The following OR13G1 variants were observed in gnomAD, a reference collection of about 807,000 sequenced individuals.
The protein encoded by OR13G1 is olfactory receptor 13G1.
For synonymous variants in OR13G1, 128 were observed against 136.2 expected, an observed-to-expected ratio of 0.94 and a Z score of 0.42; for missense variants, 369 against 385.7, an observed-to-expected ratio of 0.96 and a Z score of 0.36.
At chr1:247,679,290 C>T (rs1158047773) in intron 1 of OR13G1, among the ~76,000 whole-genome samples, 1 of 152,128 alleles carries the variant, frequency 6.6e-6, no homozygotes, top group Non-Finnish European at 1.5e-5. Context: ...ACATGTCAAG[C>T]ATTCCCATAA....
In OR13G1 at chr1:247,671,575, A is replaced by G. The variant is rs1306378617; in HGVS notation, c.*543T>C. On this transcript the variant is annotated 3_prime_UTR_variant, in exon 2 of 2. Coordinates refer to ENST00000642119, the MANE Select transcript of OR13G1 (RefSeq NM_001005487.2). ...ACATGGAGACTTTAGAGTTTGCCCAATAATTTTATTCAGTAGAGCACGATT... is the reference window on the plus strand; with the variant it reads ...ACATGGAGACTTTAGAGTTTGCCCAGTAATTTTATTCAGTAGAGCACGATT... The G allele has an allele frequency of 1.3e-5, 2 of 156,088 alleles. No homozygotes were observed. Among genetic ancestry groups the G allele is most frequent in the South Asian group, 1.9e-4 (1 of 5,164 alleles). 9.7% of individuals were successfully genotyped at this position (156,088 alleles called of 1,614,324 possible). A position where few individuals can be genotyped will look rare whatever the true frequency, so the allele number is the denominator to read the frequency against.
chr1:247,678,344 T>C (rs1209831976), intron 1 of OR13G1, among the ~76,000 whole-genome samples: 1 of 152,162 alleles, frequency 6.6e-6, no homozygotes, highest in Non-Finnish European at 1.5e-5. Context: ...ATCATCTCCG[T>C]CTTCAAGTAT....
chr1:247,674,181 G>A (rs919480174), intron 1 of OR13G1, among the ~76,000 whole-genome samples: 18 of 152,070 alleles, frequency 1.2e-4, no homozygotes, highest in Non-Finnish European at 2.2e-4. Flanking sequence ...GTTGCTGTCC[G>A]TTTTCTTTTA....
At position 247,673,160 on chromosome 1, in the gene OR13G1, A is replaced by G; in HGVS notation, c.-119T>C. On this transcript the variant is annotated 5_prime_UTR_variant, in exon 2 of 2. Coordinates refer to ENST00000642119, the MANE Select transcript of OR13G1 (RefSeq NM_001005487.2). Reference sequence around the variant, plus strand: ...TGTGTACTTAGGGACTTAATTCTTGATTGGACACAACTTTGCAGCAGGAAT... The same window carrying G: ...TGTGTACTTAGGGACTTAATTCTTGGTTGGACACAACTTTGCAGCAGGAAT... The G allele has an allele frequency of 1.4e-6, 1 of 738,030 alleles. No homozygotes were observed. Among genetic ancestry groups the G allele is most frequent in the African/African-American group, 1.8e-5 (1 of 56,712 alleles). 45.7% of individuals were successfully genotyped at this position (738,030 alleles called of 1,614,324 possible).
Position 247,673,105 on chromosome 1 carries a change from C to T in OR13G1, c.-64G>A, listed in dbSNP as rs541454018. 3.1e-6 allele frequency: 4 copies of T among 1,276,650 alleles called. No homozygotes were observed. The African/African-American group carries it at 4.4e-5, about 14-fold the overall frequency. The allele number at this position is 1,276,650 out of a possible 1,614,324, so 79.1% of individuals were successfully genotyped here. On this transcript the variant is annotated 5_prime_UTR_variant, in exon 2 of 2. Transcript: ENST00000642119. Reference sequence around the variant, plus strand: ...AAACAACTGAAAATGGAAAGAATCCCTGTGTTGTTAGGAGATAACATGAGG... The same window carrying T: ...AAACAACTGAAAATGGAAAGAATCCTTGTGTTGTTAGGAGATAACATGAGG...
In OR13G1 at chr1:247,672,634, A is replaced by G. The variant is rs958638699; in HGVS notation, c.408T>C (p.His136=). The part of the protein sequence containing the change: ...PLHYSTIMNH[H]MCVALLSMVM... ...CCATGCTGAGCAAGGCTACACACAT[A>G]TGGTGGTTCATAATAGTACTGTAAT... The change falls in exon 2 of 2, where the codon CAT becomes CAC. Residue 136 remains histidine, a synonymous_variant. Transcript: ENST00000642119. The G allele has an allele frequency of 8.7e-6, 14 of 1,613,978 alleles. No individual in the cohort carries two copies. Among genetic ancestry groups the G allele is most frequent in the African/African-American group, 1.3e-5 (1 of 74,924 alleles).
At chr1:247,679,329 G>C (rs887576216) in intron 1 of OR13G1, among the ~76,000 whole-genome samples, 18 of 152,096 alleles carry the variant, frequency 1.2e-4, no homozygotes, top group Admixed American at 1.3e-4. Context: ...CCTAAATTTA[G>C]TTGACTGTCT....
chr1:247,672,609 C>T lies in OR13G1; in HGVS notation c.433G>A (p.Val145Ile). ...HHMCVALLSM[V>I]MAIAVTNSWV... ...GAATTGGTGACTGCAATAGCCATGACCATGCTGAGCAAGGCTACACACATA... is the reference window on the plus strand; with the variant it reads ...GAATTGGTGACTGCAATAGCCATGATCATGCTGAGCAAGGCTACACACATA... Residue 145 changes from valine to isoleucine, a missense_variant, in exon 2 of 2, where the codon GTC (valine) becomes ATC (isoleucine). Val to Ile is a conservative substitution (Grantham distance 29, BLOSUM62 3). Transcript: ENST00000642119. The T allele has an allele frequency of 1.2e-6, 2 of 1,613,988 alleles. No homozygotes were observed. Among genetic ancestry groups the T allele is most frequent in the Non-Finnish European group, 1.7e-6 (2 of 1,179,934 alleles).
chr1:247,677,965 A>G (rs917698905), intron 1 of OR13G1, among the ~76,000 whole-genome samples: 4 of 152,236 alleles, frequency 2.6e-5, no homozygotes, highest in African/African-American at 9.6e-5. Context: ...TTAGCTGGGC[A>G]TGGTGGCACA....
At chr1:247,679,386 A>G (rs553876787) in intron 1 of OR13G1, among the ~76,000 whole-genome samples, 74 of 152,222 alleles carry the variant, frequency 4.9e-4, no homozygotes, top group African/African-American at 1.7e-3. Context: ...AAAAATTTTG[A>G]AAGGCTGGCA....
rs542966045 is a variant in OR13G1, at chr1:247,671,766, C to A, written c.*352G>T. ...TTCACATACCAACAAATAAATGGCA[C>A]AAAATACACAAAATGTTTTGTGATA... On this transcript the variant is annotated 3_prime_UTR_variant, in exon 2 of 2. Coordinates refer to ENST00000642119, the MANE Select transcript of OR13G1 (RefSeq NM_001005487.2). 56 of 215,812 alleles carry A rather than the reference C, an allele frequency of 2.6e-4. 2 individuals are homozygous for A. In the Middle Eastern group the frequency reaches 0.013, roughly 51 times the overall value. The allele number at this position is 215,812 out of a possible 1,614,324, so 13.4% of individuals were successfully genotyped here.
chr1:247,677,391 A>G (rs935059871), intron 1 of OR13G1, among the ~76,000 whole-genome samples: 1 of 152,228 alleles, frequency 6.6e-6, no homozygotes, highest in Admixed American at 6.5e-5. Context: ...CCCCAGTTTT[A>G]GAAAGCCAGC....
At chr1:247,679,427 T>C in intron 1 of OR13G1, among the ~76,000 whole-genome samples, 1 of 152,038 alleles carries the variant, frequency 6.6e-6, no homozygotes, top group South Asian at 2.1e-4. Flanking sequence ...CATCAGTATT[T>C]TGATACATTG....
chr1:247,672,875 A>G lies in OR13G1; in HGVS notation c.167T>C (p.Met56Thr), dbSNP rs1323061981. The G allele has an allele frequency of 2.5e-6, 4 of 1,613,944 alleles. No homozygotes were observed. The East Asian group carries it at 8.9e-5, about 36-fold the overall frequency. The change falls in exon 2 of 2, where the codon ATG becomes ACG. Residue 56 changes from methionine (M) to threonine (T), a missense_variant. Coordinates refer to ENST00000642119, the MANE Select transcript of OR13G1 (RefSeq NM_001005487.2). ...AGCCAGTGTCAGAAGGAAAACATAC[A>G]TGGGCGTATGCAAGGTGTTGTTATA... Reference protein sequence around the residue: ...KIYNNTLHTPMYVFLLTLAVV... With the variant: ...KIYNNTLHTPTYVFLLTLAVV...
chr1:247,679,488 G>T (rs1435654774), intron 1 of OR13G1, among the ~76,000 whole-genome samples, 152 bp downstream of exon 1: 2 of 21,094 alleles, frequency 9.5e-5, no homozygotes, highest in African/African-American at 4.5e-4. Context: ...CGGATGGATT[G>T]TGTGTGTGTG....
chr1:247,677,027 G>T (rs371619646), intron 1 of OR13G1, among the ~76,000 whole-genome samples: 1 of 152,278 alleles, frequency 6.6e-6, no homozygotes, highest in East Asian at 1.9e-4. Flanking sequence ...GCAGGCTGGG[G>T]TGGGCAGATG....
chr1:247,672,776 A>G lies in OR13G1; in HGVS notation c.266T>C (p.Ile89Thr), dbSNP rs61742803. The change falls in exon 2 of 2, where the codon ATT becomes ACT. Residue 89 changes from isoleucine (I) to threonine (T), a missense_variant. Transcript: ENST00000642119. ...CTGGGACATGCAGCCTGCATATGAA[A>G]TGGTATTTTCTGATGTTAGCATGGT... ...LGTMLTSENT[I>T]SYAGCMSQLF... 11 of 1,613,958 alleles carry G rather than the reference A, an allele frequency of 6.8e-6. No individual in the cohort carries two copies. The Admixed American group carries it at 1.7e-4, about 24-fold the overall frequency.
chr1:247,676,038 A>G (rs1447893775), intron 1 of OR13G1, among the ~76,000 whole-genome samples: 1 of 152,172 alleles, frequency 6.6e-6, no homozygotes, highest in African/African-American at 2.4e-5. Context: ...AGGCAAGAAA[A>G]ATCAGTGAAA....
Position 247,672,954 on chromosome 1 carries a change from TGA to T in OR13G1, c.86_87del (p.Leu29HisfsTer20). 6.2e-7 allele frequency: 1 copy of T among 1,613,046 alleles called. No homozygotes were observed. The highest frequency in any genetic ancestry group is 2.2e-5 in the East Asian group (1 of 44,876). ...CCGAGAAAAGCCACAAGATAGACAA[TGA>T]GAAAAAAGAGGAAGATAATTCCCTG... is the stretch of plus-strand genomic sequence containing the variant. ...ELQGIIFLFF[L>X]IVYLVAFLGN... On this transcript the variant is annotated frameshift_variant, in exon 2 of 2. Transcript: ENST00000642119. LOFTEE classifies it low-confidence loss of function (END_TRUNC).
Sources: gnomAD v4.1 joint callset for allele counts (sites outside exome capture counted in the v4.1 genomes callset) on GRCh38, gnomAD v4.1.1 for gene constraint, MANE v1.5 for transcripts, NCBI Gene and HGNC (gene_info 2026-07-23, HGNC 2026-07-21) for gene names.